The following RBFOX1 variants were observed in gnomAD, a reference collection of about 807,000 sequenced individuals.
The protein encoded by RBFOX1 is RNA binding protein fox-1 homolog 1.
RBFOX1 carries 8 observed loss-of-function variants against 57.7 expected under a neutral mutation model. That is an observed-to-expected ratio of 0.14 (90% CI 0.08 to 0.25). The LOEUF (loss-of-function observed/expected upper bound fraction) is 0.25. RBFOX1 is among the 10% of genes least tolerant of loss of function. The pLI, the probability that RBFOX1 is intolerant of heterozygous loss-of-function variation, is 1.00. For missense variants in RBFOX1, 611 were observed against 548.5 expected (o/e 1.11, Z -1.14); for synonymous variants, 326 against 222.4 (o/e 1.47, Z -4.15).
chr16:7,005,285 C>A (rs936546585), intron 3 of RBFOX1, among the ~76,000 whole-genome samples: 5 of 152,174 alleles, frequency 3.3e-5, no homozygotes, highest in Non-Finnish European at 5.9e-5. Context: ...AAGATACTTG[C>A]CTCCATTCCA....
At chr16:6,805,867 C>G (rs895665360) in intron 3 of RBFOX1, among the ~76,000 whole-genome samples, 2 of 152,300 alleles carry the variant, frequency 1.3e-5, no homozygotes, top group South Asian at 2.1e-4. Flanking sequence ...ACACTTGGCT[C>G]TTTCCAACAC....
intron 4 of RBFOX1, among the ~76,000 whole-genome samples, chr16:7,175,991 C>T (rs904969104): frequency 3.3e-5 from 5 of 152,004 alleles, no homozygotes; most frequent in Admixed American, 2.0e-4. Context: ...CTGGGAGGTG[C>T]GTGCTTAGCA....
rs565703381 is a variant in RBFOX1, at chr16:5,538,282, G to T, written c.259-60620G>T. On this transcript the variant is annotated intron_variant, in intron 2 of 2. Coordinates refer to the RBFOX1 transcript ENST00000585867. The stretch of plus-strand genomic sequence containing the variant: ...AAGTCAATAAGCCCTTTGAGCCTTG[G>T]TTTTCTTAGCTTTTAAAATGGAGGT... Among the ~76,000 whole-genome samples, 8 of 152,254 alleles carry T rather than the reference G, an allele frequency of 5.3e-5. No individual in the cohort carries two copies. In the South Asian group the frequency reaches 1.7e-3, roughly 32 times the overall value.
intron 3 of RBFOX1, among the ~76,000 whole-genome samples, chr16:7,017,430 G>C (rs1470813569): frequency 1.3e-5 from 2 of 152,190 alleles, no homozygotes; most frequent in East Asian, 3.9e-4. Context: ...GATAAATCTT[G>C]GCCCCAAACC....
At chr16:6,607,256 C>T (rs2097946678) in intron 2 of RBFOX1, among the ~76,000 whole-genome samples, 1 of 152,146 alleles carries the variant, frequency 6.6e-6, no homozygotes, top group Non-Finnish European at 1.5e-5. Flanking sequence ...TGGAACAATT[C>T]ATTGTGGTTA....
chr16:7,374,370 C>T (rs898296086), intron 4 of RBFOX1, among the ~76,000 whole-genome samples: 1 of 152,210 alleles, frequency 6.6e-6, no homozygotes, highest in Admixed American at 6.5e-5. Context: ...GTCCTCCCTA[C>T]AGCATTCCCC....
intron 3 of RBFOX1, among the ~76,000 whole-genome samples, chr16:6,744,718 T>C (rs976377713): frequency 6.6e-6 from 1 of 152,106 alleles, no homozygotes; most frequent in Non-Finnish European, 1.5e-5. Context: ...ATTCATAGCA[T>C]TAAATACCCA....
At chr16:6,804,429 C>A (rs374964246) in intron 3 of RBFOX1, among the ~76,000 whole-genome samples, 5 of 152,244 alleles carry the variant, frequency 3.3e-5, no homozygotes, top group African/African-American at 1.2e-4. Context: ...AACAATAACT[C>A]TTTGCTGACT....
chr16:5,315,342 C>T lies in RBFOX1; in HGVS notation c.219+75237C>T, dbSNP rs1242333669. Among the ~76,000 whole-genome samples, 12 of 152,248 alleles carry T rather than the reference C, an allele frequency of 7.9e-5. No individual in the cohort carries two copies. The South Asian group carries it at 8.3e-4, about 11-fold the overall frequency. On this transcript the variant is annotated intron_variant, in intron 1 of 2. Coordinates refer to the RBFOX1 transcript ENST00000585867. ...TCCACTATTATTGCCCCACAGGCCA[C>T]GTAATCACCGGTGATTAAATGGAGA...
intron 14 of RBFOX1, among the ~76,000 whole-genome samples, chr16:7,680,060 C>A (rs1453776951): frequency 6.6e-6 from 1 of 152,142 alleles, no homozygotes; most frequent in Non-Finnish European, 1.5e-5. Flanking sequence ...TGAAGCATGG[C>A]AGAGGGGCCT....
At chr16:6,823,907 G>C (rs1392552190) in intron 3 of RBFOX1, among the ~76,000 whole-genome samples, 1 of 152,136 alleles carries the variant, frequency 6.6e-6, no homozygotes, top group African/African-American at 2.4e-5. Context: ...GAGCATGCTG[G>C]AGTTACACGT....
At chr16:5,262,942 T>C (rs1264515839) in intron 1 of RBFOX1, among the ~76,000 whole-genome samples, 2 of 152,088 alleles carry the variant, frequency 1.3e-5, no homozygotes, top group African/African-American at 4.8e-5. Context: ...GGTTGGAGGG[T>C]AGTTGAGGCC....
chr16:7,613,147 T>C (rs1199890343), intron 10 of RBFOX1, among the ~76,000 whole-genome samples: 1 of 152,088 alleles, frequency 6.6e-6, no homozygotes, highest in East Asian at 1.9e-4. Flanking sequence ...CTTGAAAACC[T>C]TGAAGAAAAC....
At chr16:6,372,821 A>T (rs1022879319) in intron 2 of RBFOX1, among the ~76,000 whole-genome samples, 35 of 150,538 alleles carry the variant, frequency 2.3e-4, no homozygotes, top group Non-Finnish European at 4.7e-4. Context: ...GTATAACTGG[A>T]TGGGAGGATG....
chr16:5,351,175 A>G (rs2065254665), intron 1 of RBFOX1, among the ~76,000 whole-genome samples: 1 of 152,196 alleles, frequency 6.6e-6, no homozygotes, highest in Non-Finnish European at 1.5e-5. Flanking sequence ...GACTGTATTG[A>G]TAATGCCATA....
chr16:7,597,508 A>G (rs1568015989), intron 9 of RBFOX1, 77 bp downstream of exon 9: 19 of 1,327,946 alleles, frequency 1.4e-5, no homozygotes, highest in African/African-American at 2.9e-5. Context: ...AGATTCTATT[A>G]CAACAAGCTG....
intron 3 of RBFOX1, among the ~76,000 whole-genome samples, chr16:5,668,303 T>A (rs905529550): frequency 1.2e-4 from 19 of 152,006 alleles, no homozygotes; most frequent in African/African-American, 3.4e-4. Context: ...AACACCAATT[T>A]AAAAAAAAAG....
chr16:6,202,569 A>G (rs1337962319), intron 1 of RBFOX1, among the ~76,000 whole-genome samples: 3 of 152,188 alleles, frequency 2.0e-5, no homozygotes, highest in Admixed American at 2.0e-4. Flanking sequence ...CTGTTGGGTC[A>G]GTTTCTTTCT....
intron 4 of RBFOX1, among the ~76,000 whole-genome samples, chr16:7,245,556 C>CA (rs2094258555): frequency 6.6e-6 from 1 of 152,102 alleles, no homozygotes; most frequent in African/African-American, 2.4e-5. Flanking sequence ...ATCAACAAGA[C>CA]AAAAATAAAT....
Sources: allele counts gnomAD v4.1 joint callset (sites outside exome capture counted in the v4.1 genomes callset), GRCh38; gene constraint gnomAD v4.1.1; transcripts MANE v1.5; gene names NCBI Gene and HGNC (gene_info 2026-07-23, HGNC 2026-07-21).